CTNND2: variants seen among roughly 807,000 people sequenced by gnomAD.
The protein encoded by CTNND2 is catenin delta 2.
In CTNND2, 22 loss-of-function variants were observed where a neutral mutation model predicts 144.4. That is an observed-to-expected ratio of 0.15 (90% CI 0.11 to 0.22). The LOEUF is 0.22. Ranked by LOEUF, CTNND2 falls within the 10% of genes least tolerant of loss-of-function variation. The pLI, the probability that CTNND2 is intolerant of heterozygous loss-of-function variation, is 1.00. For synonymous variants in CTNND2, 751 were observed against 695.6 expected (o/e 1.08, Z -1.25); for missense variants, 1,353 against 1,618.8 (o/e 0.84, Z 2.82).
chr5:11,129,256 AATATAAAT>A (rs1380357927), intron 12 of CTNND2, among the ~76,000 whole-genome samples: 6 of 69,540 alleles, frequency 8.6e-5, no homozygotes, highest in Non-Finnish European at 1.6e-4. Context: ...ATTATATAAA[AATATAAAT>A]ATATAAATAT....
At chr5:11,321,276 A>G (rs1364283214) in intron 9 of CTNND2, among the ~76,000 whole-genome samples, 1 of 152,198 alleles carries the variant, frequency 6.6e-6, no homozygotes, top group Non-Finnish European at 1.5e-5. Context: ...CATTTTTGTC[A>G]CTTGCAGATA....
At chr5:11,492,198 GGCA>G (rs991810364) in intron 3 of CTNND2, among the ~76,000 whole-genome samples, 138 of 152,242 alleles carry the variant, frequency 9.1e-4, no homozygotes, top group African/African-American at 3.2e-3. Context: ...TACCACATGG[GGCA>G]GGTAAACGGC....
chr5:11,513,708 TTAAG>T (rs1313593267), intron 3 of CTNND2, among the ~76,000 whole-genome samples: 2 of 152,290 alleles, frequency 1.3e-5, no homozygotes, highest in African/African-American at 2.4e-5. Context: ...AAAAATCTCT[TTAAG>T]TACGTCTTAA....
intron 10 of CTNND2, among the ~76,000 whole-genome samples, chr5:11,206,803 A>T (rs944340979): frequency 2.0e-5 from 3 of 152,176 alleles, no homozygotes; most frequent in South Asian, 2.1e-4. Context: ...TAACTTCATA[A>T]CATCATCAGT....
chr5:11,355,988 G>A (rs566121558), intron 8 of CTNND2, among the ~76,000 whole-genome samples: 12 of 151,854 alleles, frequency 7.9e-5, no homozygotes, highest in South Asian at 6.2e-4. Flanking sequence ...AAACTTAACC[G>A]AGGAGATAAA....
chr5:11,453,886 A>G (rs1397446518), intron 3 of CTNND2, among the ~76,000 whole-genome samples: 1 of 152,208 alleles, frequency 6.6e-6, no homozygotes, highest in Non-Finnish European at 1.5e-5. Flanking sequence ...ACACGATAAT[A>G]TAACTTTTTA....
intron 9 of CTNND2, among the ~76,000 whole-genome samples, chr5:11,288,958 C>A (rs927759956): frequency 1.3e-5 from 2 of 152,066 alleles, no homozygotes; most frequent in African/African-American, 4.8e-5. Context: ...ATGTGGAAAC[C>A]CCGGCAGAGC....
At chr5:11,586,776 A>G (rs572105102) in intron 2 of CTNND2, among the ~76,000 whole-genome samples, 8 of 152,356 alleles carry the variant, frequency 5.3e-5, no homozygotes, top group African/African-American at 1.9e-4. Flanking sequence ...TTGTGTGGAT[A>G]CAATTTATGA....
At chr5:11,129,226 ATATATATT>A (rs1443155402) in intron 12 of CTNND2, among the ~76,000 whole-genome samples, 4 of 39,946 alleles carry the variant, frequency 1.0e-4, no homozygotes, top group African/African-American at 3.3e-4. Flanking sequence ...TTATATATAA[ATATATATT>A]ATATATTATA....
intron 9 of CTNND2, among the ~76,000 whole-genome samples, chr5:11,266,658 T>G (rs968440863): frequency 1.3e-5 from 2 of 152,202 alleles, no homozygotes; most frequent in African/African-American, 4.8e-5. Context: ...AGCTGTACAC[T>G]ATTAAGTTAA....
At chr5:11,880,671 ACT>A (rs1458924911) in intron 1 of CTNND2, among the ~76,000 whole-genome samples, 15 of 101,560 alleles carry the variant, frequency 1.5e-4, no homozygotes, top group African/African-American at 4.2e-4. Context: ...CACTACTACT[ACT>A]CTACCACTAC....
In CTNND2 at chr5:11,141,236, G is replaced by T. The variant is rs184299372; in HGVS notation, c.2159+18340C>A. Among the ~76,000 whole-genome samples the T allele has an allele frequency of 1.5e-3, 234 of 152,302 alleles. 1 individual carries two copies. Among genetic ancestry groups the T allele is most frequent in the African/African-American group, 4.6e-3 (193 of 41,560 alleles). On this transcript the variant is annotated intron_variant, in intron 12 of 21. Coordinates refer to ENST00000304623, the MANE Select transcript of CTNND2 (RefSeq NM_001332.4). ...CCCAAAGTGCTGGGATTACAGGCATGGGACATCATGCCCAGCTGTTTGATT... is the reference window on the plus strand; with the variant it reads ...CCCAAAGTGCTGGGATTACAGGCATTGGACATCATGCCCAGCTGTTTGATT...
intron 9 of CTNND2, among the ~76,000 whole-genome samples, chr5:11,308,118 T>A (rs142841028): frequency 6.6e-6 from 1 of 152,216 alleles, no homozygotes; most frequent in Non-Finnish European, 1.5e-5. Context: ...ATCTTGTTTG[T>A]AAGGCACCCA....
intron 14 of CTNND2, among the ~76,000 whole-genome samples, chr5:11,104,790 T>C (rs1182746778): frequency 2.6e-5 from 4 of 152,186 alleles, no homozygotes; most frequent in East Asian, 1.9e-4. Flanking sequence ...TGGCACTGCA[T>C]TGTCTCCAGG....
chr5:11,713,313 G>A (rs1786140493), intron 2 of CTNND2, among the ~76,000 whole-genome samples: 1 of 152,108 alleles, frequency 6.6e-6, no homozygotes, highest in Non-Finnish European at 1.5e-5. Context: ...AGGTGCAGTG[G>A]CTCAGGCCTG....
intron 8 of CTNND2, among the ~76,000 whole-genome samples, chr5:11,358,623 A>C (rs1756141287): frequency 6.6e-6 from 1 of 152,228 alleles, no homozygotes. Flanking sequence ...TATTTTTGAT[A>C]CTGGACTATT....
At chr5:11,699,038 A>G (rs989897953) in intron 2 of CTNND2, among the ~76,000 whole-genome samples, 3 of 150,900 alleles carry the variant, frequency 2.0e-5, no homozygotes, top group Non-Finnish European at 3.0e-5. Context: ...ACATATATAT[A>G]TATCATATGT....
intron 3 of CTNND2, among the ~76,000 whole-genome samples, chr5:11,475,300 A>G (rs1483480175): frequency 6.6e-6 from 1 of 152,230 alleles, no homozygotes; most frequent in South Asian, 2.1e-4. Context: ...AATTTAATTC[A>G]GGATTTTGGA....
intron 16 of CTNND2, among the ~76,000 whole-genome samples, chr5:11,028,326 G>T (rs1743080497): frequency 6.6e-6 from 1 of 152,018 alleles, no homozygotes. Context: ...ACTGATCTGT[G>T]GGTTTTTGCT....
Sources: gnomAD v4.1 joint callset for allele counts (sites outside exome capture counted in the v4.1 genomes callset) on GRCh38, gnomAD v4.1.1 for gene constraint, MANE v1.5 for transcripts, NCBI Gene and HGNC (gene_info 2026-07-23, HGNC 2026-07-21) for gene names.